The following GABRB2 variants were observed in gnomAD, a reference collection of about 807,000 sequenced individuals.
GABRB2 encodes the protein gamma-aminobutyric acid receptor subunit beta-2.
Under a neutral mutation model 54.7 loss-of-function variants are expected in GABRB2, and 16 were observed. The observed-to-expected ratio is 0.29, with a 90% CI of 0.20 to 0.44. The LOEUF is 0.44. Ranked by LOEUF, GABRB2 falls within the 20% of genes least tolerant of loss-of-function variation. The probability of loss-of-function intolerance (pLI) is 1.00; values close to 1 mark genes in which losing one functional copy is unlikely to be tolerated. For synonymous variants in GABRB2, 244 were observed against 233.8 expected, an observed-to-expected ratio of 1.04 and a Z score of -0.40; for missense variants, 355 against 644.0, an observed-to-expected ratio of 0.55 and a Z score of 4.86.
At chr5:161,466,115 G>A (rs1018244395) in intron 3 of GABRB2, among the ~76,000 whole-genome samples, 13 of 151,904 alleles carry the variant, frequency 8.6e-5, no homozygotes, top group Non-Finnish European at 1.6e-4. Flanking sequence ...CTTTCAGTTT[G>A]GATTTGCTTG....
At chr5:161,305,315 C>T (rs1016254789) in intron 9 of GABRB2, among the ~76,000 whole-genome samples, 1 of 152,042 alleles carries the variant, frequency 6.6e-6, no homozygotes, top group Non-Finnish European at 1.5e-5. Flanking sequence ...CACGCCCGGC[C>T]GATATATCAA....
chr5:161,505,817 TA>T (rs1759588670), intron 3 of GABRB2, among the ~76,000 whole-genome samples: 1 of 152,108 alleles, frequency 6.6e-6, no homozygotes, highest in African/African-American at 2.4e-5. Context: ...AGAACATCTA[TA>T]AAAACTTTGT....
chr5:161,436,831 A>T (rs1339597920), intron 4 of GABRB2, among the ~76,000 whole-genome samples: 1 of 151,994 alleles, frequency 6.6e-6, no homozygotes, highest in Non-Finnish European at 1.5e-5. Context: ...GTTGCTGGGG[A>T]AGGGAGAACA....
chr5:161,347,249 T>A (rs1026302965), intron 5 of GABRB2, among the ~76,000 whole-genome samples: 1 of 152,244 alleles, frequency 6.6e-6, no homozygotes, highest in African/African-American at 2.4e-5. Flanking sequence ...ATGAAGACTG[T>A]GCAAGTTAGA....
chr5:161,489,010 G>C (rs74480757), intron 3 of GABRB2, among the ~76,000 whole-genome samples: 1 of 151,584 alleles, frequency 6.6e-6, no homozygotes, highest in African/African-American at 2.4e-5. Context: ...AGATGCTTTC[G>C]AAAGAAATGC....
rs188427126 is a variant in GABRB2, at chr5:161,529,221, A to C, written c.237+16006T>G. On this transcript the variant is annotated intron_variant, in intron 3 of 9. Coordinates refer to ENST00000393959, the MANE Select transcript of GABRB2 (RefSeq NM_001371727.1). ...ACAGTGATAATTACTAGTTGACTTAATTTCAAAATGACTTAGACTGTGTAC... is the reference window on the plus strand; with the variant it reads ...ACAGTGATAATTACTAGTTGACTTACTTTCAAAATGACTTAGACTGTGTAC... Among the ~76,000 whole-genome samples the C allele has an allele frequency of 6.9e-4, 105 of 152,152 alleles. No individual in the cohort carries two copies. In the East Asian group the frequency reaches 0.015, roughly 22 times the overall value.
At chr5:161,303,685 G>A (rs575394589) in intron 9 of GABRB2, among the ~76,000 whole-genome samples, 14 of 152,188 alleles carry the variant, frequency 9.2e-5, no homozygotes, top group African/African-American at 2.6e-4. Flanking sequence ...GAAGACCTTC[G>A]AAAGCATGAG....
At chr5:161,380,487 G>A (rs1051141826) in intron 5 of GABRB2, among the ~76,000 whole-genome samples, 2 of 152,144 alleles carry the variant, frequency 1.3e-5, no homozygotes, top group African/African-American at 2.4e-5. Context: ...GCACCCAATT[G>A]CATTTGCAGG....
At chr5:161,493,181 AGGT>A (rs1245368173) in intron 3 of GABRB2, among the ~76,000 whole-genome samples, 1 of 151,844 alleles carries the variant, frequency 6.6e-6, no homozygotes, top group Non-Finnish European at 1.5e-5. Context: ...TCCAAAAATA[AGGT>A]GGTACCTCTT....
intron 3 of GABRB2, among the ~76,000 whole-genome samples, chr5:161,463,547 ATTTT>A (rs201395694): frequency 8.2e-4 from 26 of 31,890 alleles, no homozygotes; most frequent in Admixed American, 1.6e-3. Context: ...GATTCCAAAT[ATTTT>A]TATTTATATA....
chr5:161,490,861 C>G (rs1759076568), intron 3 of GABRB2, among the ~76,000 whole-genome samples: 1 of 151,712 alleles, frequency 6.6e-6, no homozygotes, highest in Non-Finnish European at 1.5e-5. Context: ...TAAGTTGTTT[C>G]TAAAAAGTTC....
At chr5:161,324,967 A>T (rs183004983) in intron 9 of GABRB2, among the ~76,000 whole-genome samples, 1 of 152,192 alleles carries the variant, frequency 6.6e-6, no homozygotes, top group Admixed American at 6.5e-5. Context: ...GCACACTTTA[A>T]TGCACCAATG....
intron 3 of GABRB2, among the ~76,000 whole-genome samples, chr5:161,507,525 T>C (rs1438340687): frequency 1.3e-5 from 2 of 151,986 alleles, no homozygotes; most frequent in Admixed American, 1.3e-4. Flanking sequence ...AGTAGGCATG[T>C]CAAAGGCAAG....
chr5:161,363,337 A>G (rs752720575), intron 5 of GABRB2, among the ~76,000 whole-genome samples: 3 of 152,014 alleles, frequency 2.0e-5, no homozygotes, highest in Non-Finnish European at 4.4e-5. Context: ...ATGAGGACAC[A>G]TGGAGATAGG....
intron 3 of GABRB2, among the ~76,000 whole-genome samples, chr5:161,541,406 C>T (rs985973051): frequency 6.6e-6 from 1 of 152,158 alleles, no homozygotes; most frequent in African/African-American, 2.4e-5. Flanking sequence ...TGAAGCCAGG[C>T]ATTGACTTCT....
intron 9 of GABRB2, among the ~76,000 whole-genome samples, chr5:161,301,364 T>A (rs1757531483): frequency 6.6e-6 from 1 of 152,126 alleles, no homozygotes; most frequent in African/African-American, 2.4e-5. Context: ...TTCCTGATTA[T>A]CTTTCTCTTC....
chr5:161,415,629 T>C (rs980805880), intron 4 of GABRB2, among the ~76,000 whole-genome samples: 1 of 152,204 alleles, frequency 6.6e-6, no homozygotes, highest in Non-Finnish European at 1.5e-5. Context: ...GTTTTTTGTT[T>C]TGAGATGGAG....
At chr5:161,470,203 C>T (rs1261100354) in intron 3 of GABRB2, among the ~76,000 whole-genome samples, 1 of 151,648 alleles carries the variant, frequency 6.6e-6, no homozygotes, top group Non-Finnish European at 1.5e-5. Context: ...CCTTCTAATG[C>T]ATGTTCTGTG....
chr5:161,477,281 A>T lies in GABRB2; in HGVS notation c.238-17437T>A, dbSNP rs959611918. ...ATAACTACTATAGACAAACAAACAA[A>T]AGCAAAAAAAAAAAAAAAAAAGAAC... On this transcript the variant is annotated intron_variant, in intron 3 of 9. Transcript: ENST00000393959. Among the ~76,000 whole-genome samples, 6 of 57,614 alleles carry T rather than the reference A, an allele frequency of 1.0e-4. No homozygotes were observed. In the South Asian group the frequency reaches 4.3e-3, roughly 42 times the overall value. The allele number at this position is 57,614 out of a possible 152,430, so 37.8% of individuals were successfully genotyped here. A position where few individuals can be genotyped will look rare whatever the true frequency, so the allele number is the denominator to read the frequency against.
Sources: allele counts gnomAD v4.1 joint callset (sites outside exome capture counted in the v4.1 genomes callset), GRCh38; gene constraint gnomAD v4.1.1; transcripts MANE v1.5; gene names NCBI Gene and HGNC (gene_info 2026-07-23, HGNC 2026-07-21).